PKD1L1: variants seen among roughly 807,000 people sequenced by gnomAD.
PKD1L1 encodes the protein polycystin 1 like 1, transient receptor potential channel interacting.
A neutral mutation model predicts 323.4 loss-of-function variants in PKD1L1; 236 were observed. The observed-to-expected ratio is 0.73, with a 90% confidence interval of 0.66 to 0.81. The LOEUF (loss-of-function observed/expected upper bound fraction) is 0.81. PKD1L1 is among the 40% of genes least tolerant of loss of function. The pLI is 0.00. For synonymous variants in PKD1L1, 1,344 were observed against 1,335.0 expected, an observed-to-expected ratio of 1.01 and a Z score of -0.15; for missense variants, 3,320 against 3,508.0, an observed-to-expected ratio of 0.95 and a Z score of 1.35.
chr7:47,899,618 G>T (rs372243048), intron 13 of PKD1L1, among the ~76,000 whole-genome samples: 1 of 151,820 alleles, frequency 6.6e-6, no homozygotes, highest in South Asian at 2.1e-4. Flanking sequence ...TGGGTGCAGG[G>T]TCTCCCCCAG....
At chr7:47,822,192 G>A (rs756232486) in intron 45 of PKD1L1, among the ~76,000 whole-genome samples, 17 of 152,108 alleles carry the variant, frequency 1.1e-4, no homozygotes, top group Middle Eastern at 3.2e-3. Flanking sequence ...GATAGTGTGC[G>A]TCCTCTGACT....
At chr7:47,799,342 T>A (rs1784611368) in intron 54 of PKD1L1, among the ~76,000 whole-genome samples, 1 of 152,142 alleles carries the variant, frequency 6.6e-6, no homozygotes, top group Admixed American at 6.5e-5. Flanking sequence ...GTTGTCAAGG[T>A]GTGAACATGA....
intron 24 of PKD1L1, among the ~76,000 whole-genome samples, chr7:47,868,404 A>C (rs752543424): frequency 1.3e-5 from 2 of 152,128 alleles, no homozygotes; most frequent in Non-Finnish European, 2.9e-5. Context: ...ACAACAACAA[A>C]AAAAACACAA....
At chr7:47,948,908 G>C (rs7811529), upstream of PKD1L1, among the ~76,000 whole-genome samples, 556 of 152,330 alleles carry the variant, frequency 3.6e-3, 5 homozygotes, top group African/African-American at 0.013. Flanking sequence ...AGTGAGACGA[G>C]ATTGCACCAC....
chr7:47,855,875 C>CAAAAAAAAAAAAAAA (rs536157879), intron 28 of PKD1L1, among the ~76,000 whole-genome samples: 1 of 32,548 alleles, frequency 3.1e-5, no homozygotes, highest in African/African-American at 2.7e-4. Flanking sequence ...GACTCCGTCT[C>CAAAAAAAAAAAAAAA]AAAAAAAAAA....
intron 19 of PKD1L1, among the ~76,000 whole-genome samples, chr7:47,883,123 G>A (rs750454107): frequency 1.3e-5 from 2 of 152,256 alleles, no homozygotes; most frequent in Non-Finnish European, 2.9e-5. Flanking sequence ...GAGTACGAAT[G>A]TGAGCCTCTA....
chr7:47,886,113 A>G, intron 17 of PKD1L1, 59 bp from the exon 18 acceptor site: 1 of 1,541,378 alleles, frequency 6.5e-7, no homozygotes, highest in Non-Finnish European at 8.7e-7. Context: ...ATATTTGCTT[A>G]AAAAGTCTAC....
At chr7:47,799,311 G>A (rs537025955) in intron 54 of PKD1L1, among the ~76,000 whole-genome samples, 3 of 152,268 alleles carry the variant, frequency 2.0e-5, no homozygotes, top group African/African-American at 7.2e-5. Flanking sequence ...ATTGATAAAA[G>A]CAAAGGACTC....
At chr7:47,801,857 G>C (rs6946880) in intron 53 of PKD1L1, among the ~76,000 whole-genome samples, 21,193 of 152,104 alleles carry the variant, frequency 0.14, 1,809 homozygotes, top group African/African-American at 0.23. Flanking sequence ...ACTTAATTTG[G>C]ACACAAATTA....
chr7:47,906,024 C>T, intron 9 of PKD1L1, 62 bp from the exon 10 acceptor site: 3 of 1,428,484 alleles, frequency 2.1e-6, no homozygotes, highest in Non-Finnish European at 2.8e-6. Flanking sequence ...TTTTATCATG[C>T]AACACACAGT....
intron 26 of PKD1L1, among the ~76,000 whole-genome samples, chr7:47,864,629 T>A (rs28503424): frequency 7.8e-6 from 1 of 128,086 alleles, no homozygotes; most frequent in Non-Finnish European, 1.7e-5. Context: ...TCTTTCTTTC[T>A]TTCTTTCCTT....
intron 8 of PKD1L1, among the ~76,000 whole-genome samples, chr7:47,910,591 G>A (rs903665446): frequency 3.3e-5 from 5 of 151,662 alleles, no homozygotes; most frequent in African/African-American, 4.8e-5. Flanking sequence ...ACTCTCCTTG[G>A]CCTCCCAAAG....
intron 26 of PKD1L1, among the ~76,000 whole-genome samples, chr7:47,864,383 C>T (rs1022100548): frequency 1.4e-4 from 22 of 151,848 alleles, no homozygotes; most frequent in African/African-American, 4.8e-5. Flanking sequence ...CATCAGCTGA[C>T]GGGGAGGAAA....
At chr7:47,901,453 C>A (rs1787087816) in intron 13 of PKD1L1, among the ~76,000 whole-genome samples, 1 of 152,106 alleles carries the variant, frequency 6.6e-6, no homozygotes, top group Admixed American at 6.5e-5. Flanking sequence ...ACCACTCTGT[C>A]CCATGTCCTA....
chr7:47,952,518 C>A (rs1054448373), upstream of PKD1L1, among the ~76,000 whole-genome samples: 13 of 152,198 alleles, frequency 8.5e-5, no homozygotes, highest in African/African-American at 3.1e-4. Flanking sequence ...ATCATAAGCA[C>A]CCCCTGAGAA....
At chr7:47,865,752 ATTT>A (rs540966946) in intron 25 of PKD1L1, among the ~76,000 whole-genome samples, 6 of 137,088 alleles carry the variant, frequency 4.4e-5, no homozygotes, top group African/African-American at 1.4e-4. Context: ...CACCTGGCTA[ATTT>A]TTTTTTTTTT....
In PKD1L1 at chr7:47,836,967, A is replaced by T; in HGVS notation, c.5897T>A (p.Val1966Asp). 6.2e-7 allele frequency: 1 copy of T among 1,614,196 alleles called. No individual in the cohort carries two copies. The highest frequency in any genetic ancestry group is 8.5e-7 in the Non-Finnish European group (1 of 1,180,036). ...RLTVSFSLLC[V>D]YACLTALVAA... ...AACCAGGGCAGTGAGACACGCGTAG[A>T]CGCACAGCAGGGAGAAGGACACGGT... Residue 1966 changes from valine (V) to aspartate (D), a missense_variant, in exon 37 of 57, where the codon GTC (valine) becomes GAC (aspartate). By Grantham distance (152) the Val-to-Asp change is radical. Transcript: ENST00000289672.
chr7:47,823,483 G>A (rs1445000035), intron 45 of PKD1L1, among the ~76,000 whole-genome samples: 2 of 152,076 alleles, frequency 1.3e-5, no homozygotes, highest in Admixed American at 6.6e-5. Context: ...TTGTACTATA[G>A]ATTTCTGTCT....
chr7:47,958,507 ATG>A, the PKD1L1 span, among the ~76,000 whole-genome samples: 2 of 152,220 alleles, frequency 1.3e-5, no homozygotes, highest in Non-Finnish European at 1.5e-5. Flanking sequence ...CACAGGAGAA[ATG>A]CTTCATTACA....
Sources: gnomAD v4.1 joint callset for allele counts (sites outside exome capture counted in the v4.1 genomes callset) on GRCh38, gnomAD v4.1.1 for gene constraint, MANE v1.5 for transcripts, NCBI Gene and HGNC (gene_info 2026-07-23, HGNC 2026-07-21) for gene names.